Variants in MACROD1 observed in about 807,000 individuals in gnomAD.
MACROD1 encodes ADP-ribose glycohydrolase MACROD1.
MACROD1 carries 31 observed loss-of-function variants against 41.4 expected under a neutral mutation model. The ratio of observed to expected loss-of-function variants is 0.75; its 90% CI spans 0.56 to 1.01. The LOEUF is 1.01. Ranked by LOEUF, MACROD1 falls within the 50% of genes least tolerant of loss-of-function variation. The pLI is 0.00. For synonymous variants in MACROD1, 252 were observed against 203.4 expected, an observed-to-expected ratio of 1.24 and a Z score of -2.03; for missense variants, 473 against 460.0, an observed-to-expected ratio of 1.03 and a Z score of -0.26.
chr11:64,108,173 C>T (rs891727370), intron 3 of MACROD1, among the ~76,000 whole-genome samples: 14 of 151,940 alleles, frequency 9.2e-5, no homozygotes, highest in Middle Eastern at 3.2e-3. Context: ...ATTAGTGGGG[C>T]GTGGTGGTGC....
intron 3 of MACROD1, chr11:64,116,246 C>T (rs764011391): frequency 1.6e-5 from 25 of 1,581,834 alleles, no homozygotes; most frequent in Admixed American, 1.0e-4. Context: ...CAGGTGGGGC[C>T]GGACGCCCCC....
chr11:64,029,369 G>A (rs1161885969), intron 3 of MACROD1, among the ~76,000 whole-genome samples: 1 of 152,122 alleles, frequency 6.6e-6, no homozygotes, highest in African/African-American at 2.4e-5. Context: ...GACGGGGTGG[G>A]GGGATCCCCA....
rs927682891 is a variant in MACROD1 at position 64,096,412 on chromosome 11, T to A, written c.517+54827A>T. Among the ~76,000 whole-genome samples the A allele has an allele frequency of 2.7e-5, 4 of 148,948 alleles. No individual in the cohort carries two copies. Among genetic ancestry groups the A allele is most frequent in the Admixed American group, 2.7e-4 (4 of 14,950 alleles). On this transcript the variant is annotated intron_variant, in intron 3 of 10. Transcript: ENST00000255681. The surrounding 1 kb of genome is among the most constrained non-coding windows in gnomAD (Gnocchi z 4.6). ...GCTGGCAGGCAAGTGGTCGTTCCTG[T>A]CCCCTCTTTTTTTTTTTTGAGACTG...
At chr11:64,012,326 C>T (rs1489641473) in intron 4 of MACROD1, among the ~76,000 whole-genome samples, 1 of 152,248 alleles carries the variant, frequency 6.6e-6, no homozygotes, top group Non-Finnish European at 1.5e-5. Context: ...TTGGTTTCCA[C>T]CAGCTGCCCT....
chr11:64,026,042 G>A (rs1346794197), intron 3 of MACROD1, among the ~76,000 whole-genome samples: 2 of 152,168 alleles, frequency 1.3e-5, no homozygotes, highest in African/African-American at 2.4e-5. Context: ...TCAGCTGGGC[G>A]TGGTGGTGCG....
intron 3 of MACROD1, chr11:64,103,080 A>AT (rs1216056335): frequency 6.6e-6 from 1 of 151,490 alleles, no homozygotes; most frequent in East Asian, 1.9e-4. Context: ...AAAAAAAAAA[A>AT]CAAAAAAACA....
At chr11:64,117,004 G>A (rs748023643) in intron 3 of MACROD1, 16 of 1,612,270 alleles carry the variant, frequency 9.9e-6, no homozygotes, top group East Asian at 6.7e-5. Context: ...ACCTTCAGCC[G>A]CCTACAGAAC....
chr11:64,003,869 G>A (rs1942866519), intron 4 of MACROD1, among the ~76,000 whole-genome samples: 1 of 152,190 alleles, frequency 6.6e-6, no homozygotes, highest in South Asian at 2.1e-4. Flanking sequence ...CAGGGGGGCT[G>A]CCCTGGTGGC....
chr11:64,100,686 C>A (rs981460288), intron 3 of MACROD1, among the ~76,000 whole-genome samples: 2 of 152,212 alleles, frequency 1.3e-5, no homozygotes, highest in Non-Finnish European at 2.9e-5. Context: ...AGGGAAGAGC[C>A]ACAGTGCTGC....
At chr11:64,014,256 C>T (rs536082384) in intron 4 of MACROD1, among the ~76,000 whole-genome samples, 36 of 152,246 alleles carry the variant, frequency 2.4e-4, no homozygotes, top group South Asian at 4.2e-4. Flanking sequence ...CCACAGTCCC[C>T]GGCAAAGCCC....
chr11:64,024,296 T>A (rs940369707), intron 3 of MACROD1, among the ~76,000 whole-genome samples: 3 of 152,236 alleles, frequency 2.0e-5, no homozygotes, highest in African/African-American at 7.2e-5. Flanking sequence ...AAGTTCTCCG[T>A]GCTTTGCATT....
intron 3 of MACROD1, among the ~76,000 whole-genome samples, chr11:64,031,424 G>A (rs192170968): frequency 6.1e-4 from 92 of 151,294 alleles, no homozygotes; most frequent in Non-Finnish European, 6.5e-4. Flanking sequence ...AGTGGAGTTA[G>A]AACTTGGATC....
chr11:64,045,189 G>C (rs1441986685), intron 3 of MACROD1, among the ~76,000 whole-genome samples: 1 of 152,024 alleles, frequency 6.6e-6, no homozygotes, highest in Non-Finnish European at 1.5e-5. Flanking sequence ...TGGCCCAGCT[G>C]GGCCTCGCTG....
At chr11:64,136,862 C>T (rs1945339958) in intron 3 of MACROD1, among the ~76,000 whole-genome samples, 1 of 152,202 alleles carries the variant, frequency 6.6e-6, no homozygotes. Flanking sequence ...AGGGGCCTCC[C>T]CAAGTCTCTG....
At chr11:64,111,212 T>C (rs1012886917) in intron 3 of MACROD1, among the ~76,000 whole-genome samples, 2 of 152,224 alleles carry the variant, frequency 1.3e-5, no homozygotes, top group Admixed American at 6.5e-5. Context: ...CTTAACAAGT[T>C]TGCCCCCTAC....
intron 1 of MACROD1, among the ~76,000 whole-genome samples, chr11:64,156,777 G>C (rs1436014994): frequency 1.3e-5 from 2 of 152,186 alleles, no homozygotes; most frequent in African/African-American, 4.8e-5. Flanking sequence ...CCAGCTGGCT[G>C]GGCGCCGACC....
chr11:64,104,538 G>A (rs961742702), intron 3 of MACROD1, among the ~76,000 whole-genome samples: 1 of 152,190 alleles, frequency 6.6e-6, no homozygotes, highest in Non-Finnish European at 1.5e-5. Flanking sequence ...AAAGGTGGTA[G>A]CAGTGAGGCC....
Position 64,151,235 on chromosome 11 carries a change from T to C in MACROD1, c.517+4A>G, listed in dbSNP as rs1452004674. ...CAGGTCTCTGGTTCAGGCCAGCCAC[T>C]CACCGGCGTTGACGATGGCGTCCAC... is the stretch of plus-strand genomic sequence containing the variant. On this transcript the variant is annotated splice_donor_region_variant and intron_variant, in intron 3 of 10. Transcript: ENST00000255681. 1 of 1,611,904 alleles carries C rather than the reference T, an allele frequency of 6.2e-7. No homozygotes were observed. The highest frequency in any genetic ancestry group is 1.1e-5 in the South Asian group (1 of 91,060).
At chr11:64,159,566 G>A (rs1038811387) in intron 1 of MACROD1, among the ~76,000 whole-genome samples, 1 of 151,610 alleles carries the variant, frequency 6.6e-6, no homozygotes, top group Non-Finnish European at 1.5e-5. Context: ...AGGCCAAGGC[G>A]GGCGGATCAC....
Sources: gnomAD v4.1 joint callset for allele counts (sites outside exome capture counted in the v4.1 genomes callset) on GRCh38, gnomAD v4.1.1 for gene constraint, Gnocchi (gnomAD v3.1) non-coding constraint, MANE v1.5 for transcripts, NCBI Gene and HGNC (gene_info 2026-07-23, HGNC 2026-07-21) for gene names.